The following PRKDC variants were observed in gnomAD, a reference collection of about 807,000 sequenced individuals.
PRKDC encodes protein kinase, DNA-activated, catalytic subunit, also known as DNA-dependent protein kinase catalytic subunit.
A neutral mutation model predicts 486.9 loss-of-function variants in PRKDC; 82 were observed. That is an observed-to-expected ratio of 0.17 (90% CI 0.14 to 0.20). The LOEUF (loss-of-function observed/expected upper bound fraction) is 0.20. PRKDC is among the 10% of genes least tolerant of loss of function. PRKDC has a pLI of 1.00. For synonymous variants in PRKDC, 1,895 were observed against 1,837.0 expected, an observed-to-expected ratio of 1.03 and a Z score of -0.81; for missense variants, 4,504 against 5,038.2, an observed-to-expected ratio of 0.89 and a Z score of 3.21.
intron 67 of PRKDC, among the ~76,000 whole-genome samples, chr8:47,819,033 T>C (rs902403790): frequency 4.6e-5 from 7 of 152,108 alleles, no homozygotes; most frequent in African/African-American, 1.4e-4. Flanking sequence ...CAGCTTTCCG[T>C]CTGCAAGCCC....
chr8:47,955,456 C>G (rs1181241167), intron 4 of PRKDC, among the ~76,000 whole-genome samples: 1 of 114,392 alleles, frequency 8.7e-6, no homozygotes, highest in Non-Finnish European at 1.7e-5. Context: ...AGCGAGACTC[C>G]GTCTCAAAAA....
intron 32 of PRKDC, 75 bp downstream of exon 32, chr8:47,890,179 CAAA>C (rs1324773577): frequency 3.5e-6 from 3 of 852,352 alleles, no homozygotes; most frequent in East Asian, 6.6e-5. Context: ...TATTAAAAGC[CAAA>C]ACCCCTTCTA....
chr8:47,776,908 G>A lies in PRKDC; in HGVS notation c.12118C>T (p.Pro4040Ser), dbSNP rs1452784629. 1.9e-6 allele frequency: 3 copies of A among 1,613,486 alleles called. No homozygotes were observed. The change falls in exon 85 of 86, where the codon CCC becomes TCC. Residue 4040 changes from proline (P) to serine (S), a missense_variant. Transcript: ENST00000314191. ...EINVAEKNWY[P>S]RQKICYAKRK... Reference sequence around the variant, plus strand: ...TTAGCGTAACATATTTTCTGTCGGGGGTACCAATTTTTTTCAGCAACATTT... The same window carrying A: ...TTAGCGTAACATATTTTCTGTCGGGAGTACCAATTTTTTTCAGCAACATTT...
chr8:47,805,184 C>G (rs571432092), intron 69 of PRKDC: 7 of 152,080 alleles, frequency 4.6e-5, no homozygotes, highest in Non-Finnish European at 8.8e-5. Context: ...CTAGCCTCTA[C>G]GTTTAACTTT....
chr8:47,820,603 TGA>T (rs1303908588), intron 66 of PRKDC, 114 bp downstream of exon 66: 30 of 647,216 alleles, frequency 4.6e-5, no homozygotes, highest in Admixed American at 3.1e-4. Flanking sequence ...ATTTTTTTCA[TGA>T]GTTTACTGAG....
At chr8:47,869,239 A>G (rs183154484) in intron 40 of PRKDC, among the ~76,000 whole-genome samples, 23 of 151,938 alleles carry the variant, frequency 1.5e-4, no homozygotes, top group Non-Finnish European at 2.8e-4. Flanking sequence ...CAAGTAGTAC[A>G]GCTTGCAGTA....
At chr8:47,812,309 C>T (rs2087347034) in intron 68 of PRKDC, among the ~76,000 whole-genome samples, 1 of 152,046 alleles carries the variant, frequency 6.6e-6, no homozygotes. Flanking sequence ...AAACCTGATA[C>T]CCAGGAACTG....
Position 47,834,207 on chromosome 8 carries a change from T to C in PRKDC, c.8141A>G (p.Asn2714Ser). Residue 2714 changes from asparagine (N) to serine (S), a missense_variant, in exon 59 of 86, where the codon AAC becomes AGC. This residue lies in a region of PRKDC where 1,592 missense variants were observed against 1,724.6 expected (regional missense o/e 0.92). Transcript: ENST00000314191. ...RLGLPGDEVD[N>S]KVKGAAGRTD... ...GCAACCCAGCTTACCTTTCACTTTG[T>C]TATCCACCTCGTCCCCTGGAAGGCC... 2 of 1,614,066 alleles carry C rather than the reference T, an allele frequency of 1.2e-6. No homozygotes were observed. The highest frequency in any genetic ancestry group is 1.7e-5 in the Admixed American group (1 of 60,032).
intron 84 of PRKDC, 130 bp from the exon 85 acceptor site, chr8:47,777,113 A>G (rs2086622285): frequency 8.7e-7 from 1 of 1,149,106 alleles, no homozygotes; most frequent in African/African-American, 1.6e-5. Context: ...TGCTTTCTAC[A>G]GCTACAAAGC....
At chr8:47,814,337 T>C (rs2087396569) in intron 68 of PRKDC, among the ~76,000 whole-genome samples, 1 of 152,130 alleles carries the variant, frequency 6.6e-6, no homozygotes, top group Admixed American at 6.6e-5. Flanking sequence ...GCACGTATAT[T>C]CAAGATTGTA....
chr8:47,874,434 G>A (rs1193908151), intron 40 of PRKDC, among the ~76,000 whole-genome samples: 1 of 152,048 alleles, frequency 6.6e-6, no homozygotes, highest in African/African-American at 2.4e-5. Flanking sequence ...ATAAATATAT[G>A]CACCTATGTA....
rs8178001 is a variant in PRKDC, at chr8:47,957,621, CTA to C, written c.155-192_155-191del. 0.22 allele frequency among the ~76,000 whole-genome samples: 33,303 copies of C among 152,108 alleles called. 4,416 individuals carry two copies. The highest frequency in any genetic ancestry group is 0.44 in the South Asian group (2,098 of 4,820). On this transcript the variant is annotated intron_variant, in intron 1 of 85. Transcript: ENST00000314191. ...CGCCTCCCGGGTTCACGCCATTCTC[CTA>C]TCTCAGCCTCCCAAGTAGCTGGGAC... is the stretch of plus-strand genomic sequence containing the variant.
At position 47,778,735 on chromosome 8, in the gene PRKDC, G is replaced by C; in HGVS notation, c.11644C>G (p.Leu3882Val). ...RKRESKVPAD[L>V]LKRAFVRMST... is the part of the protein sequence containing the mutation. ...GGGCAGAAGGGTACTTACTTTAAGA[G>C]ATCAGCAGGCACTTTACTTTCTCGT... Residue 3882 changes from leucine to valine, a missense_variant, in exon 82 of 86, where the codon CTC (leucine) becomes GTC (valine). Leu to Val is a conservative substitution (Grantham distance 32). Transcript: ENST00000314191. 1 of 1,613,824 alleles carries C rather than the reference G, an allele frequency of 6.2e-7. No homozygotes were observed. Among genetic ancestry groups the C allele is most frequent in the South Asian group, 1.1e-5 (1 of 91,038 alleles).
chr8:47,893,114 C>G, intron 31 of PRKDC, 25 bp downstream of exon 31: 3 of 1,555,026 alleles, frequency 1.9e-6, no homozygotes, highest in Non-Finnish European at 2.6e-6. Flanking sequence ...ACGACACACA[C>G]CAGAATAAGG....
At chr8:47,868,195 G>T (rs892570433) in intron 40 of PRKDC, among the ~76,000 whole-genome samples, 1 of 152,068 alleles carries the variant, frequency 6.6e-6, no homozygotes, top group African/African-American at 2.4e-5. Flanking sequence ...CCTCACAAAA[G>T]GAGTTGGGAA....
Position 47,789,820 on chromosome 8 carries a change from C to T in PRKDC, c.10671-582G>A, listed in dbSNP as rs184403078. Reference sequence around the variant, plus strand: ...ACAACAGAATAAAGGACAAAAACCACTGATCATTTTAACGGATGTTGAAAA... The same window carrying T: ...ACAACAGAATAAAGGACAAAAACCATTGATCATTTTAACGGATGTTGAAAA... On this transcript the variant is annotated intron_variant, in intron 74 of 85. Coordinates refer to ENST00000314191, the MANE Select transcript of PRKDC (RefSeq NM_006904.7). 7.4e-4 allele frequency among the ~76,000 whole-genome samples: 113 copies of T among 152,244 alleles called. 1 individual carries two copies. The highest frequency in any genetic ancestry group is 2.5e-3 in the African/African-American group (102 of 41,558).
In PRKDC at chr8:47,837,528, C is replaced by T. The variant is rs2088054513; in HGVS notation, c.7554-109G>A. 3 of 823,308 alleles carry T rather than the reference C, an allele frequency of 3.6e-6. No homozygotes were observed. In the East Asian group the frequency reaches 8.0e-5, roughly 22 times the overall value. 51.0% of individuals were successfully genotyped at this position (823,308 alleles called of 1,614,324 possible). On this transcript the variant is annotated intron_variant, in intron 56 of 85. Coordinates refer to ENST00000314191, the MANE Select transcript of PRKDC (RefSeq NM_006904.7). ...GGCACAGCTCTTCACCCACATGAAG[C>T]TTAACAGAGAGGGAAACCACCTTCA... is the stretch of plus-strand genomic sequence containing the variant.
At chr8:47,784,175 G>A (rs910577146) in intron 77 of PRKDC, 10 of 178,008 alleles carry the variant, frequency 5.6e-5, no homozygotes, top group East Asian at 3.0e-4. Context: ...GGAGAATGGC[G>A]TGAACTCGGG....
rs371421226 is a variant in PRKDC at position 47,863,603 on chromosome 8, C to T, written c.5572-26G>A. ...CTTCAAAAAGGTAAAAAATAATTAT[C>T]TTTGGTCTTATTAAACATGAAATAC... On this transcript the variant is annotated intron_variant, in intron 41 of 85. Coordinates refer to ENST00000314191, the MANE Select transcript of PRKDC (RefSeq NM_006904.7). The T allele has an allele frequency of 6.5e-4, 1,018 of 1,555,484 alleles. 4 individuals carry two copies. The African/African-American group carries it at 0.012, about 18-fold the overall frequency.
Sources: gnomAD v4.1 joint callset for allele counts (sites outside exome capture counted in the v4.1 genomes callset) on GRCh38, gnomAD v4.1.1 for gene constraint, gnomAD v4.1.1 regional missense constraint, MANE v1.5 for transcripts, NCBI Gene and HGNC (gene_info 2026-07-23, HGNC 2026-07-21) for gene names.